SLC22A14: variants seen among roughly 807,000 people sequenced by gnomAD.
SLC22A14 encodes the protein organic cation transporter-like 4.
SLC22A14 carries 50 observed loss-of-function variants against 53.9 expected under a neutral mutation model. The observed-to-expected ratio is 0.93, with a 90% CI of 0.74 to 1.17. SLC22A14 has a LOEUF of 1.17. SLC22A14 is among the 50% of genes most tolerant of loss of function. The probability of loss-of-function intolerance (pLI) is 0.00; values close to 1 mark genes in which losing one functional copy is unlikely to be tolerated. For missense variants in SLC22A14, 671 were observed against 734.7 expected, an observed-to-expected ratio of 0.91 and a Z score of 1.00; for synonymous variants, 312 against 303.0, an observed-to-expected ratio of 1.03 and a Z score of -0.31.
At chr3:38,280,883 G>A (rs1703654425), upstream of SLC22A14, among the ~76,000 whole-genome samples, 1 of 152,238 alleles carries the variant, frequency 6.6e-6, no homozygotes, top group Admixed American at 6.5e-5. Context: ...GTCTGCCTCA[G>A]CCTCCCAAAG....
intron 5 of SLC22A14, among the ~76,000 whole-genome samples, chr3:38,312,091 G>A (rs1704483113): frequency 6.6e-6 from 1 of 152,296 alleles, no homozygotes; most frequent in South Asian, 2.1e-4. Flanking sequence ...TGTCTTGAGT[G>A]TGTGTTTATG....
At position 38,313,096 on chromosome 3, in the gene SLC22A14, A is replaced by G. The variant is rs1704517263; in HGVS notation, c.1042A>G (p.Ile348Val). 1 of 1,609,440 alleles carries G rather than the reference A, an allele frequency of 6.2e-7. No individual in the cohort carries two copies. Among genetic ancestry groups the G allele is most frequent in the Non-Finnish European group, 8.5e-7 (1 of 1,178,216 alleles). Residue 348 changes from isoleucine to valine, a missense_variant, in exon 6 of 11, where the codon ATT becomes GTT. Transcript: ENST00000448498. Reference protein sequence around the residue: ...CYAASVNKKTIPSNLLDELQL... With the variant: ...CYAASVNKKTVPSNLLDELQL... ...CGCCGCAAGTGTGAACAAGAAGACC[A>G]TTCCTTCAAATCTGCTGGACGAGGT... is the stretch of plus-strand genomic sequence containing the variant.
upstream of SLC22A14, among the ~76,000 whole-genome samples, chr3:38,279,074 G>T (rs1404966845): frequency 6.6e-6 from 1 of 152,190 alleles, no homozygotes. Flanking sequence ...CTGCATGGCT[G>T]GTTCGGGGTT....
At position 38,315,477 on chromosome 3, in the gene SLC22A14, G is replaced by A. The variant is rs548336740; in HGVS notation, c.1379-81G>A. 7.7e-6 allele frequency: 11 copies of A among 1,431,242 alleles called. No homozygotes were observed. The Admixed American group carries it at 2.0e-4, about 25-fold the overall frequency. 88.7% of individuals were successfully genotyped at this position (1,431,242 alleles called of 1,614,324 possible). ...CCTGAGCCTGCTGGCCAGCTGGGCA[G>A]GTGGTGGGGAAGGCTGTTCAGATGC... On this transcript the variant is annotated intron_variant, in intron 8 of 10. Coordinates refer to ENST00000448498, the MANE Select transcript of SLC22A14 (RefSeq NM_001320033.2).
chr3:38,306,450 G>A lies in SLC22A14; in HGVS notation c.424G>A (p.Asp142Asn), dbSNP rs770175818. The A allele has an allele frequency of 1.9e-6, 3 of 1,614,180 alleles. No homozygotes were observed. The highest frequency in any genetic ancestry group is 2.5e-6 in the Non-Finnish European group (3 of 1,180,036). Residue 142 changes from aspartate to asparagine, a missense_variant, in exon 2 of 11, where the codon GAT (aspartate) becomes AAT (asparagine). Physicochemically the swap from Asp to Asn is conservative, Grantham distance 23 (BLOSUM62 1). Transcript: ENST00000448498. The stretch of plus-strand genomic sequence containing the variant: ...GTACCTTCCTGTGCCTTGGAATCTG[G>A]ATTCTATCATCCAGTTTGGCCTCAA... ...FMYLPVPWNL[D>N]SIIQFGLNDT...
chr3:38,314,297 A>T (rs1313453897), intron 8 of SLC22A14, among the ~76,000 whole-genome samples: 1 of 152,358 alleles, frequency 6.6e-6, no homozygotes, highest in East Asian at 1.9e-4. Flanking sequence ...ACTGCTGCCC[A>T]GGCCCACCTG....
rs369287311 is a variant in SLC22A14, at chr3:38,308,910, G to T, written c.776-44G>T. ...GGCTGGATGCAAGGGCAGCCCTGGG[G>T]ACCCTGACGTAACCATGGTTTTGTC... is the stretch of plus-strand genomic sequence containing the variant. On this transcript the variant is annotated intron_variant, in intron 4 of 10. Transcript: ENST00000448498. 5.9e-5 allele frequency: 94 copies of T among 1,590,570 alleles called. No homozygotes were observed. The African/African-American group carries it at 1.0e-3, about 18-fold the overall frequency.
In SLC22A14 at chr3:38,307,138, C is replaced by T. The variant is rs1704327185; in HGVS notation, c.517-116C>T. 1 of 761,802 alleles carries T rather than the reference C, an allele frequency of 1.3e-6. No homozygotes were observed. Among genetic ancestry groups the T allele is most frequent in the Non-Finnish European group, 2.4e-6 (1 of 415,476 alleles). The allele number at this position is 761,802 out of a possible 1,614,324, so 47.2% of individuals were successfully genotyped here. On this transcript the variant is annotated intron_variant, in intron 2 of 10. Transcript: ENST00000448498. The surrounding 1 kb of genome is among the most constrained non-coding windows in gnomAD (Gnocchi z 4.4). ...GGCAACAGCTGAGGCACGCTGCACA[C>T]TGTTAACTGCCCCTACCCCAGGTCC...
chr3:38,291,372 C>G (rs1417449152), intron 1 of SLC22A14, among the ~76,000 whole-genome samples: 3 of 152,176 alleles, frequency 2.0e-5, no homozygotes, highest in African/African-American at 7.2e-5. Flanking sequence ...AGAACTGTGG[C>G]TGGGTTAAGA....
rs373698627 is a variant in SLC22A14 at position 38,306,358 on chromosome 3, C to T, written c.332C>T (p.Ser111Phe). The T allele has an allele frequency of 1.9e-6, 3 of 1,614,066 alleles. No homozygotes were observed. The highest frequency in any genetic ancestry group is 2.5e-6 in the Non-Finnish European group (3 of 1,180,036). ...SWILAVGPHLSKAEQLNLTIP... is the reference protein window; with the variant it reads ...SWILAVGPHLFKAEQLNLTIP... ...ATCCTGGCAGTGGGCCCCCACCTGTCCAAAGCTGAGCAGCTGAATCTGACC... is the reference window on the plus strand; with the variant it reads ...ATCCTGGCAGTGGGCCCCCACCTGTTCAAAGCTGAGCAGCTGAATCTGACC... The change falls in exon 2 of 11, where the codon TCC becomes TTC. Residue 111 changes from serine to phenylalanine, a missense_variant. Transcript: ENST00000448498.
rs748042108 is a variant in SLC22A14 at position 38,316,373 on chromosome 3, T to G, written c.1582T>G (p.Leu528Val). Residue 528 changes from leucine to valine, a missense_variant, in exon 10 of 11, where the codon TTG becomes GTG. Leu to Val is a conservative substitution (Grantham distance 32). Coordinates refer to ENST00000448498, the MANE Select transcript of SLC22A14 (RefSeq NM_001320033.2). Reference sequence around the variant, plus strand: ...TCTGGCCTCGGTGGCTGGAGCCATCTTGTCCCTGACAATCATCAGCCAGAC... The same window carrying G: ...TCTGGCCTCGGTGGCTGGAGCCATCGTGTCCCTGACAATCATCAGCCAGAC... ...VSLASVAGAI[L>V]SLTIISQTPS... 1 of 1,614,062 alleles carries G rather than the reference T, an allele frequency of 6.2e-7. No homozygotes were observed. Among genetic ancestry groups the G allele is most frequent in the African/African-American group, 1.3e-5 (1 of 74,906 alleles).
upstream of SLC22A14, among the ~76,000 whole-genome samples, chr3:38,279,556 C>T (rs1703623796): frequency 6.6e-6 from 1 of 152,178 alleles, no homozygotes; most frequent in Non-Finnish European, 1.5e-5. Flanking sequence ...ATTGGGATTA[C>T]AGGCATGAGC....
Position 38,306,546 on chromosome 3 carries a change from T to C in SLC22A14, c.516+4T>C, listed in dbSNP as rs749648719. 31 of 1,605,702 alleles carry C rather than the reference T, an allele frequency of 1.9e-5. No individual in the cohort carries two copies. Among genetic ancestry groups the C allele is most frequent in the Non-Finnish European group, 1.7e-6 (2 of 1,175,114 alleles). On this transcript the variant is annotated splice_donor_region_variant and intron_variant, in intron 2 of 10. Coordinates refer to ENST00000448498, the MANE Select transcript of SLC22A14 (RefSeq NM_001320033.2). ...GAAGCGATCGCTGATCAATGAGGTA[T>C]GTCTTGTCATGGGTTGTCTGTAACT...
At chr3:38,297,840 G>A (rs1232767193) in intron 1 of SLC22A14, among the ~76,000 whole-genome samples, 2 of 152,188 alleles carry the variant, frequency 1.3e-5, no homozygotes, top group South Asian at 2.1e-4. Context: ...TAAATGATAA[G>A]TATCTTATAG....
chr3:38,308,764 C>T (rs910171840), intron 4 of SLC22A14, among the ~76,000 whole-genome samples, 190 bp from the exon 5 acceptor site: 3 of 152,176 alleles, frequency 2.0e-5, no homozygotes, highest in African/African-American at 7.2e-5. Context: ...AGGGTGTCCC[C>T]TGGCGGGAAC....
intron 5 of SLC22A14, among the ~76,000 whole-genome samples, chr3:38,310,504 C>T (rs560239944): frequency 6.6e-6 from 1 of 152,278 alleles, no homozygotes; most frequent in Non-Finnish European, 1.5e-5. Flanking sequence ...TGTTCTTCCT[C>T]CTGTCTCCTT....
intron 5 of SLC22A14, 53 bp from the exon 6 acceptor site, chr3:38,312,946 G>T: frequency 6.4e-7 from 1 of 1,560,322 alleles, no homozygotes; most frequent in Admixed American, 2.0e-5. Context: ...GGGCCAGCAG[G>T]GGGTCTCTGG....
In SLC22A14 at chr3:38,316,456, C is replaced by G; in HGVS notation, c.1665C>G (p.Leu555=). The G allele has an allele frequency of 6.2e-7, 1 of 1,614,144 alleles. No homozygotes were observed. Among genetic ancestry groups the G allele is most frequent in the Non-Finnish European group, 8.5e-7 (1 of 1,179,968 alleles). The change falls in exon 10 of 11, where the codon CTC becomes CTG. Residue 555 remains leucine (L), a synonymous_variant. Transcript: ENST00000448498. The part of the protein sequence containing the change: ...CCVLAIVAFS[L]SSLLPETRDQ... ...TCTTAGCCATCGTGGCCTTTTCCCT[C>G]TCCTCCCTGCTGCCGGAAACGCGAG...
At chr3:38,318,066 G>A (rs1033455098) in intron 10 of SLC22A14, 132 bp from the exon 11 acceptor site, 4 of 765,522 alleles carry the variant, frequency 5.2e-6, no homozygotes, top group South Asian at 3.3e-5. Context: ...AGCTCGGCTG[G>A]GGACCTGCCG....
Sources: allele counts gnomAD v4.1 joint callset (sites outside exome capture counted in the v4.1 genomes callset), GRCh38; gene constraint gnomAD v4.1.1; non-coding constraint Gnocchi (gnomAD v3.1); transcripts MANE v1.5; gene names NCBI Gene and HGNC (gene_info 2026-07-23, HGNC 2026-07-21).